The following AGFG1 variants were observed in gnomAD, a reference collection of about 807,000 sequenced individuals.
AGFG1 encodes ArfGAP with FG repeats 1.
Under a neutral mutation model 60.6 loss-of-function variants are expected in AGFG1, and 10 were observed. The ratio of observed to expected loss-of-function variants is 0.16; its 90% CI spans 0.10 to 0.28. The LOEUF is 0.28. Among genes scored for constraint, AGFG1 ranks in the 10% least tolerant of loss-of-function variants. The pLI, the probability that AGFG1 is intolerant of heterozygous loss-of-function variation, is 1.00. For missense variants in AGFG1, 537 were observed against 676.5 expected, an observed-to-expected ratio of 0.79 and a Z score of 2.29; for synonymous variants, 247 against 242.9, an observed-to-expected ratio of 1.02 and a Z score of -0.16.
At position 227,555,783 on chromosome 2, in the gene AGFG1, C is replaced by G. The variant is rs1346098189; in HGVS notation, c.*1288C>G. 6.6e-6 allele frequency: 1 copy of G among 152,200 alleles called. No homozygotes were observed. Among genetic ancestry groups the G allele is most frequent in the African/African-American group, 2.4e-5 (1 of 41,422 alleles). 9.4% of individuals were successfully genotyped at this position (152,200 alleles called of 1,614,324 possible). A position where few individuals can be genotyped will look rare whatever the true frequency, so the allele number is the denominator to read the frequency against. ...AGGTAATCTGGCAGTCTTGTGAAAACCGAACACAACTCAGAAACTTGGAAT... is the reference window on the plus strand; with the variant it reads ...AGGTAATCTGGCAGTCTTGTGAAAAGCGAACACAACTCAGAAACTTGGAAT... On this transcript the variant is annotated 3_prime_UTR_variant, in exon 13 of 13. Coordinates refer to ENST00000310078, the MANE Select transcript of AGFG1 (RefSeq NM_004504.5).
At chr2:227,518,633 T>G (rs1159352551) in intron 2 of AGFG1, among the ~76,000 whole-genome samples, 1 of 151,360 alleles carries the variant, frequency 6.6e-6, no homozygotes, top group African/African-American at 2.4e-5. Flanking sequence ...AAGCCATTCT[T>G]CTGACTCAGC....
At chr2:227,491,526 G>A (rs1690819773) in intron 1 of AGFG1, 21 bp from the exon 2 acceptor site, 1 of 1,488,964 alleles carries the variant, frequency 6.7e-7, no homozygotes, top group Non-Finnish European at 9.0e-7. Context: ...AGTAAATTTT[G>A]TAAAATATTT....
chr2:227,531,005 T>C lies in AGFG1; in HGVS notation c.695-86T>C, dbSNP rs1692141105. The C allele has an allele frequency of 5.7e-6, 7 of 1,234,260 alleles. 1 individual carries two copies. The South Asian group carries it at 1.2e-4, about 21-fold the overall frequency. 76.5% of individuals were successfully genotyped at this position (1,234,260 alleles called of 1,614,324 possible). On this transcript the variant is annotated intron_variant, in intron 5 of 12. Coordinates refer to ENST00000310078, the MANE Select transcript of AGFG1 (RefSeq NM_004504.5). The stretch of plus-strand genomic sequence containing the variant: ...GTGAGTTTTGATACATAGAAACTTT[T>C]CATATAATTCTTAAACTCATGTGTC...
intron 10 of AGFG1, among the ~76,000 whole-genome samples, chr2:227,538,588 A>C (rs1368712396): frequency 6.6e-6 from 1 of 152,222 alleles, no homozygotes; most frequent in African/African-American, 2.4e-5. Flanking sequence ...TCTCTATAGA[A>C]TGTGAACAAT....
In AGFG1 at chr2:227,560,101, T is replaced by C. The variant is rs963354450; in HGVS notation, c.*5606T>C. ...CTCTCTCTCTGTATGCCTCTTCCTG[T>C]TCTTATTTTAAATGTTCAAGTTTGT... On this transcript the variant is annotated 3_prime_UTR_variant, in exon 13 of 13. Coordinates refer to ENST00000310078, the MANE Select transcript of AGFG1 (RefSeq NM_004504.5). 2.0e-5 allele frequency: 3 copies of C among 152,236 alleles called. No homozygotes were observed. The highest frequency in any genetic ancestry group is 4.4e-5 in the Non-Finnish European group (3 of 67,944). 9.4% of individuals were successfully genotyped at this position (152,236 alleles called of 1,614,324 possible).
In AGFG1 at chr2:227,560,588, A is replaced by G. The variant is rs1459295959; in HGVS notation, c.*6093A>G. 3.3e-5 allele frequency: 5 copies of G among 152,130 alleles called. No individual in the cohort carries two copies. Among genetic ancestry groups the G allele is most frequent in the Non-Finnish European group, 7.4e-5 (5 of 67,986 alleles). The allele number at this position is 152,130 out of a possible 1,614,324, so 9.4% of individuals were successfully genotyped here. A position where few individuals can be genotyped will look rare whatever the true frequency, so the allele number is the denominator to read the frequency against. On this transcript the variant is annotated 3_prime_UTR_variant, in exon 13 of 13. Coordinates refer to ENST00000310078, the MANE Select transcript of AGFG1 (RefSeq NM_004504.5). ...TCTAAAAAGTGCATGGCTTGGGGCTATACTTTGTTTTGCAGTTTGTTGGTA... is the reference window on the plus strand; with the variant it reads ...TCTAAAAAGTGCATGGCTTGGGGCTGTACTTTGTTTTGCAGTTTGTTGGTA...
rs530212053 is a variant in AGFG1 at position 227,485,238 on chromosome 2, C to A, written c.168-6309C>A. ...CTCTGTCTTTGAAGTTTCACCGAAT[C>A]GTTTCTTTTTTTTTTTTTTTTTTTG... On this transcript the variant is annotated intron_variant, in intron 1 of 12. Coordinates refer to ENST00000310078, the MANE Select transcript of AGFG1 (RefSeq NM_004504.5). Among the ~76,000 whole-genome samples, 10 of 119,136 alleles carry A rather than the reference C, an allele frequency of 8.4e-5. No individual in the cohort carries two copies. In the Admixed American group the frequency reaches 8.7e-4, roughly 10 times the overall value. 78.2% of individuals were successfully genotyped at this position (119,136 alleles called of 152,430 possible). A position where few individuals can be genotyped will look rare whatever the true frequency, so the allele number is the denominator to read the frequency against.
intron 2 of AGFG1, among the ~76,000 whole-genome samples, chr2:227,492,334 A>G (rs184597325): frequency 3.9e-5 from 6 of 152,154 alleles, no homozygotes; most frequent in South Asian, 4.1e-4. Flanking sequence ...TAATCCTGCA[A>G]TAAGGATGAG....
intron 2 of AGFG1, among the ~76,000 whole-genome samples, chr2:227,502,005 C>T (rs1189867379): frequency 6.6e-6 from 1 of 151,976 alleles, no homozygotes; most frequent in Admixed American, 6.6e-5. Context: ...ACTACAGGTG[C>T]GTGCCACCAT....
At chr2:227,501,224 G>T (rs1691145312) in intron 2 of AGFG1, among the ~76,000 whole-genome samples, 1 of 152,084 alleles carries the variant, frequency 6.6e-6, no homozygotes. Context: ...GGGGCTACAG[G>T]CACCCACCAC....
chr2:227,478,362 A>C (rs1690350533), intron 1 of AGFG1, among the ~76,000 whole-genome samples: 1 of 151,782 alleles, frequency 6.6e-6, no homozygotes, highest in Non-Finnish European at 1.5e-5. Flanking sequence ...TGTTGGTTTG[A>C]GACAGGGTCT....
intron 2 of AGFG1, among the ~76,000 whole-genome samples, chr2:227,503,572 C>A (rs1361815192): frequency 6.6e-6 from 1 of 152,140 alleles, no homozygotes; most frequent in Non-Finnish European, 1.5e-5. Context: ...CTCATTTCTC[C>A]CTCCACTGTT....
At chr2:227,499,160 C>T (rs1004385133) in intron 2 of AGFG1, among the ~76,000 whole-genome samples, 1 of 152,088 alleles carries the variant, frequency 6.6e-6, no homozygotes, top group Non-Finnish European at 1.5e-5. Context: ...GGCAACAGTG[C>T]TATTTTTGTC....
chr2:227,545,987 T>C (rs1233264743), intron 10 of AGFG1, among the ~76,000 whole-genome samples: 1 of 152,220 alleles, frequency 6.6e-6, no homozygotes, highest in Admixed American at 6.5e-5. Context: ...GATCTCAGAC[T>C]CCATGCTGGG....
intron 12 of AGFG1, 62 bp downstream of exon 12, chr2:227,553,857 TAGC>T: frequency 2.4e-6 from 3 of 1,233,424 alleles, no homozygotes; most frequent in Non-Finnish European, 3.5e-6. Context: ...AAATTAGGAA[TAGC>T]AGGATGTTAA....
chr2:227,527,378 CTT>C (rs1478763784), intron 5 of AGFG1, among the ~76,000 whole-genome samples: 3 of 152,128 alleles, frequency 2.0e-5, no homozygotes, highest in African/African-American at 7.2e-5. Flanking sequence ...CACATATACA[CTT>C]ATGTATGTAT....
chr2:227,549,238 C>A lies in AGFG1; in HGVS notation c.1379-2721C>A, dbSNP rs116682393. Reference sequence around the variant, plus strand: ...ATCATGCAGCCAGAAAATGACAGAACCACAACTCAGAACCATTCAATTTTT... The same window carrying A: ...ATCATGCAGCCAGAAAATGACAGAAACACAACTCAGAACCATTCAATTTTT... On this transcript the variant is annotated intron_variant, in intron 10 of 12. Transcript: ENST00000310078. Among the ~76,000 whole-genome samples the A allele has an allele frequency of 7.9e-3, 1,203 of 152,196 alleles. 22 individuals are homozygous for A. The highest frequency in any genetic ancestry group is 0.028 in the African/African-American group (1,149 of 41,542).
intron 1 of AGFG1, among the ~76,000 whole-genome samples, chr2:227,481,678 G>A (rs1359829630): frequency 1.3e-5 from 2 of 152,008 alleles, no homozygotes; most frequent in South Asian, 2.1e-4. Context: ...TTTAATTTTT[G>A]TGGGCACATA....
At chr2:227,482,943 C>T (rs966628268) in intron 1 of AGFG1, among the ~76,000 whole-genome samples, 8 of 149,108 alleles carry the variant, frequency 5.4e-5, no homozygotes, top group Non-Finnish European at 1.2e-4. Flanking sequence ...AACTTGCAAA[C>T]ATGTTTTCAA....
Sources: gnomAD v4.1 joint callset for allele counts (sites outside exome capture counted in the v4.1 genomes callset) on GRCh38, gnomAD v4.1.1 for gene constraint, MANE v1.5 for transcripts, NCBI Gene and HGNC (gene_info 2026-07-23, HGNC 2026-07-21) for gene names.